The following GHR variants were observed in gnomAD, a reference collection of about 807,000 sequenced individuals.
GHR encodes the protein GH receptor.
GHR carries 35 observed loss-of-function variants against 67.1 expected under a neutral mutation model. The observed-to-expected ratio is 0.52, with a 90% CI of 0.40 to 0.69. The LOEUF is 0.69. Among genes scored for constraint, GHR ranks in the 30% least tolerant of loss-of-function variants. GHR has a pLI of 0.00. For missense variants in GHR, 792 were observed against 764.6 expected (o/e 1.04, Z -0.42); for synonymous variants, 272 against 269.1 (o/e 1.01, Z -0.10).
chr5:42,661,148 G>A (rs914152934), intron 3 of GHR, among the ~76,000 whole-genome samples: 8 of 152,282 alleles, frequency 5.3e-5, no homozygotes, highest in South Asian at 2.1e-4. Context: ...TGAAATTGAC[G>A]GGGAGAATGG....
At chr5:42,612,785 T>A (rs911239383) in intron 2 of GHR, among the ~76,000 whole-genome samples, 1 of 152,152 alleles carries the variant, frequency 6.6e-6, no homozygotes, top group African/African-American at 2.4e-5. Flanking sequence ...GCACTTGCTC[T>A]CAGAATGAGA....
At chr5:42,437,745 A>C (rs1743391720) in intron 1 of GHR, among the ~76,000 whole-genome samples, 1 of 151,610 alleles carries the variant, frequency 6.6e-6, no homozygotes, top group Non-Finnish European at 1.5e-5. Context: ...TAATAGAGAC[A>C]GGGTTTAGCC....
At chr5:42,687,528 A>G (rs1757219386) in intron 3 of GHR, among the ~76,000 whole-genome samples, 1 of 152,222 alleles carries the variant, frequency 6.6e-6, no homozygotes, top group Non-Finnish European at 1.5e-5. Context: ...ACAGCCTGGT[A>G]CAAAATTTGC....
intron 2 of GHR, among the ~76,000 whole-genome samples, chr5:42,616,482 C>T (rs1029142745): frequency 6.6e-6 from 1 of 151,966 alleles, no homozygotes; most frequent in Non-Finnish European, 1.5e-5. Context: ...TTAGGAAGAA[C>T]AGTTTTTTTC....
rs553952059 is a variant in GHR at position 42,481,179 on chromosome 5, T to C, written c.-12+57224T>C. Among the ~76,000 whole-genome samples, 208 of 152,302 alleles carry C rather than the reference T, an allele frequency of 1.4e-3. 1 individual carries two copies. The highest frequency in any genetic ancestry group is 0.01 in the Middle Eastern group (3 of 294). On this transcript the variant is annotated intron_variant, in intron 1 of 9. Transcript: ENST00000230882. ...TTTGGCTGGATATGAAATTCTGGGT[T>C]GAAAATTCTTTTCTTTAAGAATGTT... is the stretch of plus-strand genomic sequence containing the variant.
intron 3 of GHR, among the ~76,000 whole-genome samples, chr5:42,657,384 C>A (rs1315263890): frequency 6.6e-6 from 1 of 152,106 alleles, no homozygotes; most frequent in East Asian, 1.9e-4. Context: ...TTTTTAGAGT[C>A]CTTTTTAATG....
intron 3 of GHR, among the ~76,000 whole-genome samples, chr5:42,680,013 C>A (rs1240129451): frequency 6.6e-6 from 1 of 152,156 alleles, no homozygotes; most frequent in Non-Finnish European, 1.5e-5. Context: ...TGTAACATCG[C>A]CTTAACCAAA....
intron 1 of GHR, among the ~76,000 whole-genome samples, chr5:42,553,799 C>T (rs4368736): frequency 0.32 from 48,026 of 151,972 alleles, 9,193 homozygotes; most frequent in African/African-American, 0.52. Flanking sequence ...TTTCTGTGGC[C>T]GGCTGATTTC....
rs1749007395 is a variant in GHR at position 42,551,106 on chromosome 5, C to G, written c.-11-14758C>G. On this transcript the variant is annotated intron_variant, in intron 1 of 9. Transcript: ENST00000230882. ...CGCATACATGTCACATGTTTCTGCT[C>G]ATTTATCAAATACAGCCCATGCTTT... Among the ~76,000 whole-genome samples the G allele has an allele frequency of 2.6e-5, 4 of 152,300 alleles. No individual in the cohort carries two copies. In the South Asian group the frequency reaches 8.3e-4, roughly 32 times the overall value.
intron 1 of GHR, among the ~76,000 whole-genome samples, chr5:42,451,117 ACT>A (rs1011423373): frequency 1.8e-4 from 28 of 152,260 alleles, no homozygotes; most frequent in African/African-American, 6.7e-4. Context: ...TTTTAGGTAG[ACT>A]GTTCTGTAAG....
intron 2 of GHR, among the ~76,000 whole-genome samples, chr5:42,587,855 A>G (rs1006425646): frequency 2.0e-5 from 3 of 151,980 alleles, no homozygotes; most frequent in Non-Finnish European, 2.9e-5. Context: ...TTCCCATGCT[A>G]CTACTCCACT....
chr5:42,481,230 G>A lies in GHR; in HGVS notation c.-12+57275G>A, dbSNP rs539436221. The stretch of plus-strand genomic sequence containing the variant: ...GAATATTGGCCCCCACTCTCTTCTG[G>A]CTTGTAGAGTTTCTGCCGAGAGATT... On this transcript the variant is annotated intron_variant, in intron 1 of 9. Coordinates refer to ENST00000230882, the MANE Select transcript of GHR (RefSeq NM_000163.5). 2.4e-3 allele frequency among the ~76,000 whole-genome samples: 361 copies of A among 152,256 alleles called. 1 individual carries two copies. The highest frequency in any genetic ancestry group is 8.4e-3 in the African/African-American group (350 of 41,530).
At chr5:42,663,431 T>C (rs1755766286) in intron 3 of GHR, among the ~76,000 whole-genome samples, 1 of 152,260 alleles carries the variant, frequency 6.6e-6, no homozygotes, top group Non-Finnish European at 1.5e-5. Context: ...GATGCAAGGC[T>C]GGTTCAATAT....
rs914105977 is a variant in GHR, at chr5:42,573,793, A to G, written c.70+7849A>G. On this transcript the variant is annotated intron_variant, in intron 2 of 9. Transcript: ENST00000230882. ...ATGAAACTCTCAAGGTTAAAAGTCA[A>G]TTTATATTAATAAAATCTTTAATTT... 5.9e-5 allele frequency among the ~76,000 whole-genome samples: 9 copies of G among 152,234 alleles called. No homozygotes were observed. In the East Asian group the frequency reaches 1.7e-3, roughly 29 times the overall value.
In GHR at chr5:42,713,456, T is replaced by C. The variant is rs372323702; in HGVS notation, c.812T>C (p.Ile271Thr). 1.2e-5 allele frequency: 18 copies of C among 1,492,112 alleles called. No individual in the cohort carries two copies. The highest frequency in any genetic ancestry group is 1.7e-5 in the Non-Finnish European group (18 of 1,071,666). The allele number at this position is 1,492,112 out of a possible 1,614,324, so 92.4% of individuals were successfully genotyped here. Residue 271 changes from isoleucine to threonine, a missense_variant, in exon 8 of 10, where the codon ATT (isoleucine) becomes ACT (threonine). Transcript: ENST00000230882. ...EDFYFPWLLIIIFGIFGLTVM... is the reference protein window; with the variant it reads ...EDFYFPWLLITIFGIFGLTVM... ...TTCTACTTTCCATGGCTCTTAATTA[T>C]TATCTTTGGAATATTTGGGCTAACA...
intron 2 of GHR, among the ~76,000 whole-genome samples, chr5:42,576,490 T>C (rs909888061): frequency 7.9e-5 from 12 of 152,210 alleles, no homozygotes; most frequent in African/African-American, 2.7e-4. Context: ...CAGTAACTAC[T>C]CTTATTGTCC....
chr5:42,604,322 A>G (rs1264502010), intron 2 of GHR, among the ~76,000 whole-genome samples: 5 of 152,228 alleles, frequency 3.3e-5, no homozygotes, highest in African/African-American at 1.2e-4. Flanking sequence ...AGTATTAGCT[A>G]GTGCTAACAG....
intron 1 of GHR, among the ~76,000 whole-genome samples, chr5:42,511,363 T>C (rs1747006947): frequency 6.6e-6 from 1 of 152,254 alleles, no homozygotes; most frequent in Non-Finnish European, 1.5e-5. Context: ...TCATCTGATA[T>C]ATTATAATAC....
At position 42,630,721 on chromosome 5, in the gene GHR, G is replaced by A. The variant is rs1203037948; in HGVS notation, c.136+1618G>A. 1.5e-5 allele frequency among the ~76,000 whole-genome samples: 2 copies of A among 131,836 alleles called. 1 individual carries two copies. The highest frequency in any genetic ancestry group is 3.2e-5 in the Non-Finnish European group (2 of 62,404). 86.5% of individuals were successfully genotyped at this position (131,836 alleles called of 152,430 possible). ...CAAAGCCTTTTTTCACTCAACAGAT[G>A]AGTTATGTGCTTTATATTCTGTAAG... On this transcript the variant is annotated intron_variant, in intron 3 of 9. Transcript: ENST00000230882.
Sources: allele counts gnomAD v4.1 joint callset (sites outside exome capture counted in the v4.1 genomes callset), GRCh38; gene constraint gnomAD v4.1.1; transcripts MANE v1.5; gene names NCBI Gene and HGNC (gene_info 2026-07-23, HGNC 2026-07-21).